Variants in ODF2L observed in about 807,000 individuals in gnomAD.
The protein encoded by ODF2L is outer dense fiber of sperm tails 2 like.
A neutral mutation model predicts 86.3 loss-of-function variants in ODF2L; 76 were observed. The ratio of observed to expected loss-of-function variants is 0.88; its 90% CI spans 0.73 to 1.07. ODF2L has a LOEUF of 1.07. ODF2L is among the 50% of genes least tolerant of loss of function. ODF2L has a pLI of 0.00. For missense variants in ODF2L, 748 were observed against 717.4 expected, an observed-to-expected ratio of 1.04 and a Z score of -0.49; for synonymous variants, 241 against 231.3, an observed-to-expected ratio of 1.04 and a Z score of -0.38.
intron 16 of ODF2L, 100 bp downstream of exon 15, chr1:86,354,430 G>T (rs1181578041): frequency 2.7e-6 from 2 of 740,026 alleles, no homozygotes; most frequent in Non-Finnish European, 4.5e-6. Flanking sequence ...CCTTCACCCT[G>T]TCATCAGGAC....
intron 4 of ODF2L, among the ~76,000 whole-genome samples, chr1:86,383,460 C>T (rs1014404218): frequency 6.6e-6 from 1 of 151,652 alleles, no homozygotes; most frequent in African/African-American, 2.4e-5. Flanking sequence ...CAAAAATCCT[C>T]TATACAAAAG....
downstream of ODF2L, chr1:86,348,783 A>G: frequency 6.5e-7 from 1 of 1,531,508 alleles, no homozygotes; most frequent in Non-Finnish European, 8.7e-7. Flanking sequence ...AAGTTTTAAG[A>G]AACTGTAAAT....
intron 7 of ODF2L, among the ~76,000 whole-genome samples, chr1:86,376,914 T>C (rs1366454406): frequency 6.6e-6 from 1 of 152,180 alleles, no homozygotes; most frequent in Non-Finnish European, 1.5e-5. Flanking sequence ...CTAAATCTCA[T>C]GTCTTCACAT....
chr1:86,372,860 C>G (rs1000043815), intron 8 of ODF2L, among the ~76,000 whole-genome samples: 1 of 152,096 alleles, frequency 6.6e-6, no homozygotes, highest in Non-Finnish European at 1.5e-5. Flanking sequence ...AGTGAAGTAA[C>G]TCAGGAATGG....
At chr1:86,395,003 G>A (rs1661624126) in intron 1 of ODF2L, among the ~76,000 whole-genome samples, 1 of 152,044 alleles carries the variant, frequency 6.6e-6, no homozygotes, top group Non-Finnish European at 1.5e-5. Flanking sequence ...ACCACGCCCG[G>A]ATAACTTTTT....
intron 1 of ODF2L, among the ~76,000 whole-genome samples, chr1:86,395,609 T>A (rs945905806): frequency 8.5e-5 from 13 of 152,208 alleles, no homozygotes; most frequent in African/African-American, 2.4e-4. Flanking sequence ...TGAGGATTCC[T>A]GTAATATACC....
At chr1:86,370,994 T>C in intron 10 of ODF2L, 24 bp downstream of exon 10, 1 of 1,493,784 alleles carries the variant, frequency 6.7e-7, no homozygotes, top group Non-Finnish European at 9.0e-7. Context: ...AATACATGCC[T>C]GCTCAAACAC....
chr1:86,349,058 C>T (rs966281992), downstream of ODF2L: 9 of 466,432 alleles, frequency 1.9e-5, no homozygotes, highest in South Asian at 6.1e-5. Flanking sequence ...ATAATTAAAG[C>T]ACACACATGG....
intron 1 of ODF2L, among the ~76,000 whole-genome samples, chr1:86,395,141 C>T (rs1361384210): frequency 6.6e-6 from 1 of 152,216 alleles, no homozygotes; most frequent in East Asian, 1.9e-4. Flanking sequence ...CCGCGCCCGG[C>T]CCGGTTTGTT....
At chr1:86,357,618 G>C in intron 13 of ODF2L, 1 of 199,160 alleles carries the variant, frequency 5.0e-6, no homozygotes, top group South Asian at 1.6e-4. Context: ...AAAAAAAACA[G>C]ACTGAAAAAT....
chr1:86,378,625 C>T (rs4332330), intron 7 of ODF2L, among the ~76,000 whole-genome samples: 47,868 of 151,630 alleles, frequency 0.32, 7,607 homozygotes, highest in East Asian at 0.41. Context: ...CAGAAGGTGA[C>T]AGGGAAGCAG....
At chr1:86,355,514 A>G (rs1268857815) in intron 14 of ODF2L, 1 of 555,558 alleles carries the variant, frequency 1.8e-6, no homozygotes, top group Non-Finnish European at 3.2e-6. Flanking sequence ...AATTTAAACT[A>G]AAATTTTGTC....
chr1:86,355,338 C>T (rs1277537594), intron 14 of ODF2L: 8 of 1,519,118 alleles, frequency 5.3e-6, no homozygotes, highest in Non-Finnish European at 7.1e-6. Context: ...ACCAAAGACA[C>T]ACTCACCCAT....
At chr1:86,356,749 C>G in intron 13 of ODF2L, 147 bp from the exon 13 acceptor site, 1 of 605,512 alleles carries the variant, frequency 1.7e-6, no homozygotes, top group Non-Finnish European at 2.5e-6. Context: ...ATATTAAACT[C>G]TGTTAAATAA....
chr1:86,362,635 G>A (rs1231269627), intron 11 of ODF2L, among the ~76,000 whole-genome samples: 4 of 151,962 alleles, frequency 2.6e-5, no homozygotes, highest in Non-Finnish European at 5.9e-5. Context: ...TCAGCACCTG[G>A]AATCACTATG....
intron 16 of ODF2L, among the ~76,000 whole-genome samples, chr1:86,354,292 A>C (rs1658365046): frequency 6.6e-6 from 1 of 152,212 alleles, no homozygotes; most frequent in Non-Finnish European, 1.5e-5. Flanking sequence ...TTATGTCTTC[A>C]AAGTGTTTTC....
chr1:86,377,261 G>C lies in ODF2L; in HGVS notation c.625-843C>G, dbSNP rs116572711. 9.0e-3 allele frequency among the ~76,000 whole-genome samples: 1,373 copies of C among 152,320 alleles called. 21 individuals are homozygous for C. The highest frequency in any genetic ancestry group is 0.032 in the African/African-American group (1,317 of 41,582). On this transcript the variant is annotated intron_variant, in intron 7 of 17. Coordinates refer to ENST00000317336, the Ensembl canonical transcript of ODF2L. ...TCACATCTAGGTCATGCTGATGCAA[G>C]GAGTGGGCTCCCACGGTCTTTGGCA...
chr1:86,374,875 G>A (rs530018576), intron 8 of ODF2L: 1 of 152,192 alleles, frequency 6.6e-6, no homozygotes, highest in Non-Finnish European at 1.5e-5. Flanking sequence ...TTGCTGAACT[G>A]TTCATATTTT....
intron 1 of ODF2L, 150 bp downstream of exon 1, chr1:86,395,883 G>C (rs1050347004): frequency 6.6e-6 from 1 of 152,312 alleles, no homozygotes; most frequent in East Asian, 1.9e-4. Flanking sequence ...TGGAGGGTTT[G>C]CGCGGAGGGG....
Sources: allele counts gnomAD v4.1 joint callset (sites outside exome capture counted in the v4.1 genomes callset), GRCh38; gene constraint gnomAD v4.1.1; transcripts MANE v1.5; gene names NCBI Gene and HGNC (gene_info 2026-07-23, HGNC 2026-07-21).